The following MRPS5 variants were observed in gnomAD, a reference collection of about 807,000 sequenced individuals.
MRPS5 encodes small ribosomal subunit protein uS5m.
Under a neutral mutation model 51.9 loss-of-function variants are expected in MRPS5, and 27 were observed. That is an observed-to-expected ratio of 0.52 (90% CI 0.38 to 0.72). The LOEUF is 0.72. Ranked by LOEUF, MRPS5 falls within the 30% of genes least tolerant of loss-of-function variation. MRPS5 has a pLI of 0.00. For synonymous variants in MRPS5, 196 were observed against 193.2 expected, an observed-to-expected ratio of 1.01 and a Z score of -0.12; for missense variants, 570 against 545.7, an observed-to-expected ratio of 1.04 and a Z score of -0.44.
At chr2:95,114,980 A>G (rs1260014808) in intron 3 of MRPS5, 86 bp downstream of exon 3, 5 of 1,239,062 alleles carry the variant, frequency 4.0e-6, no homozygotes, top group South Asian at 1.9e-5. Flanking sequence ...TAAAATCTTA[A>G]TTCATGTAAA....
At chr2:95,106,759 G>T (rs754893283) in intron 5 of MRPS5, 5 of 446,488 alleles carry the variant, frequency 1.1e-5, no homozygotes, top group Non-Finnish European at 2.1e-5. Flanking sequence ...TCCCTCTCAC[G>T]GCCTCTCCCC....
At chr2:95,114,560 C>T (rs754689398) in intron 3 of MRPS5, among the ~76,000 whole-genome samples, 9 of 152,120 alleles carry the variant, frequency 5.9e-5, no homozygotes, top group South Asian at 4.1e-4. Flanking sequence ...CATGAGCCAC[C>T]GCGCCCGGCC....
At position 95,097,508 on chromosome 2, in the gene MRPS5, C is replaced by A. The variant is rs1450027627; in HGVS notation, c.931+2966G>T. ...ACTGGTACCAAAACAGAGATATAGACCAATGGAATCGAACAGAGGCCTCAG... is the reference window on the plus strand; with the variant it reads ...ACTGGTACCAAAACAGAGATATAGAACAATGGAATCGAACAGAGGCCTCAG... On this transcript the variant is annotated intron_variant, in intron 10 of 11. Coordinates refer to ENST00000272418, the MANE Select transcript of MRPS5 (RefSeq NM_031902.5). 3.9e-5 allele frequency among the ~76,000 whole-genome samples: 6 copies of A among 152,216 alleles called. No individual in the cohort carries two copies. The South Asian group carries it at 6.2e-4, about 16-fold the overall frequency.
chr2:95,092,898 G>C (rs774462571), intron 10 of MRPS5: 2 of 152,244 alleles, frequency 1.3e-5, no homozygotes, highest in Non-Finnish European at 2.9e-5. Flanking sequence ...GAGCAGGGCA[G>C]GGCATCGCCT....
intron 1 of MRPS5, among the ~76,000 whole-genome samples, chr2:95,118,409 A>C (rs959487321): frequency 6.6e-6 from 1 of 152,250 alleles, no homozygotes; most frequent in Non-Finnish European, 1.5e-5. Context: ...CATGGCCTAC[A>C]GGCCTGCCAC....
At chr2:95,106,021 G>C (rs1467262863) in intron 6 of MRPS5, among the ~76,000 whole-genome samples, 1 of 152,136 alleles carries the variant, frequency 6.6e-6, no homozygotes, top group Admixed American at 6.5e-5. Context: ...AACCAGACAG[G>C]CACCACAACT....
intron 7 of MRPS5, among the ~76,000 whole-genome samples, chr2:95,102,507 T>A (rs554184315): frequency 1.1e-4 from 17 of 151,634 alleles, no homozygotes; most frequent in Admixed American, 4.6e-4. Flanking sequence ...ACAAAAAATA[T>A]AAAAATTAGC....
chr2:95,110,370 G>A (rs991889955), intron 3 of MRPS5, among the ~76,000 whole-genome samples: 10 of 152,144 alleles, frequency 6.6e-5, no homozygotes, highest in Non-Finnish European at 1.3e-4. Context: ...TGATATAGGC[G>A]TCTTCCCTGT....
chr2:95,111,370 A>G (rs1192500246), intron 3 of MRPS5, among the ~76,000 whole-genome samples: 1 of 152,256 alleles, frequency 6.6e-6, no homozygotes, highest in African/African-American at 2.4e-5. Context: ...TAATGGAGGC[A>G]TACTAAGAGG....
intron 3 of MRPS5, among the ~76,000 whole-genome samples, chr2:95,112,128 G>A (rs550603446): frequency 1.3e-5 from 2 of 151,940 alleles, no homozygotes; most frequent in South Asian, 2.1e-4. Flanking sequence ...GCAATGGCAC[G>A]ATCTCGGCTC....
In MRPS5 at chr2:95,087,542, C is replaced by T. The variant is rs562769679; in HGVS notation, c.1108G>A (p.Val370Ile). 4.3e-6 allele frequency: 7 copies of T among 1,614,112 alleles called. No homozygotes were observed. The South Asian group carries it at 4.4e-5, about 10-fold the overall frequency. The change falls in exon 12 of 12, where the codon GTT (valine) becomes ATT (isoleucine). Residue 370 changes from valine (V) to isoleucine (I), a missense_variant. Transcript: ENST00000272418. ...CCACATTCCTCCCGGATTTCCACAACATGGAGGCCCTTCTTATCAGCCAGC... is the reference window on the plus strand; with the variant it reads ...CCACATTCCTCCCGGATTTCCACAATATGGAGGCCCTTCTTATCAGCCAGC... ...QQLADKKGLH[V>I]VEIREECGPL...
rs1389997317 is a variant in MRPS5 at position 95,085,821 on chromosome 2, T to C, written c.*1536A>G. Among the ~76,000 whole-genome samples the C allele has an allele frequency of 6.6e-6, 1 of 152,030 alleles. No individual in the cohort carries two copies. Among genetic ancestry groups the C allele is most frequent in the Non-Finnish European group, 1.5e-5 (1 of 68,010 alleles). ...ACCAGGATACAGCCAAAGTCACTCA[T>C]CATAACAAGAACTAGGACATTGTAA... On this transcript the variant is annotated 3_prime_UTR_variant, in exon 12 of 12. Coordinates refer to ENST00000272418, the MANE Select transcript of MRPS5 (RefSeq NM_031902.5).
At chr2:95,116,221 T>A (rs905931054) in intron 2 of MRPS5, among the ~76,000 whole-genome samples, 1 of 151,620 alleles carries the variant, frequency 6.6e-6, no homozygotes, top group African/African-American at 2.4e-5. Flanking sequence ...TAATTTTCAA[T>A]AAAATATCTT....
At chr2:95,090,038 G>A (rs1466409072) in intron 11 of MRPS5, among the ~76,000 whole-genome samples, 7 of 150,780 alleles carry the variant, frequency 4.6e-5, no homozygotes, top group South Asian at 2.1e-4. Context: ...TTAGCCGGGC[G>A]TAGTGGCGGG....
chr2:95,099,384 T>C (rs1364100789), intron 10 of MRPS5, among the ~76,000 whole-genome samples: 1 of 150,998 alleles, frequency 6.6e-6, no homozygotes, highest in African/African-American at 2.5e-5. Context: ...TTTTGAAAAG[T>C]TTTTTTTAAA....
At chr2:95,101,835 C>A in intron 7 of MRPS5, 112 bp from the exon 8 acceptor site, 2 of 686,556 alleles carry the variant, frequency 2.9e-6, no homozygotes, top group Non-Finnish European at 5.0e-6. Flanking sequence ...CATCTTTCCA[C>A]CACCCACAAA....
At chr2:95,118,152 T>G (rs756328888) in intron 1 of MRPS5, among the ~76,000 whole-genome samples, 5 of 152,140 alleles carry the variant, frequency 3.3e-5, no homozygotes, top group Non-Finnish European at 7.4e-5. Context: ...ACCAAGCCCT[T>G]CAGTCTCCTC....
intron 7 of MRPS5, 90 bp downstream of exon 7, chr2:95,104,550 C>T (rs1343987591): frequency 7.3e-7 from 1 of 1,371,046 alleles, no homozygotes; most frequent in Admixed American, 1.7e-5. Flanking sequence ...GTCCGGCCAG[C>T]AGCATGAGCC....
chr2:95,091,528 C>A (rs1032942614), intron 10 of MRPS5: 1 of 152,274 alleles, frequency 6.6e-6, no homozygotes, highest in Non-Finnish European at 1.5e-5. Flanking sequence ...ACCGCGGTGT[C>A]CCCAGAGCCC....
Sources: allele counts gnomAD v4.1 joint callset (sites outside exome capture counted in the v4.1 genomes callset), GRCh38; gene constraint gnomAD v4.1.1; transcripts MANE v1.5; gene names NCBI Gene and HGNC (gene_info 2026-07-23, HGNC 2026-07-21).